DOCK3: variants seen among roughly 807,000 people sequenced by gnomAD.
DOCK3 encodes the protein dedicator of cytokinesis protein 3.
Under a neutral mutation model 265.6 loss-of-function variants are expected in DOCK3, and 60 were observed. That is an observed-to-expected ratio of 0.23 (90% confidence interval 0.18 to 0.28). The LOEUF (loss-of-function observed/expected upper bound fraction) is 0.28. DOCK3 is among the 10% of genes least tolerant of loss of function. DOCK3 has a pLI of 1.00. For missense variants in DOCK3, 1,981 were observed against 2,594.3 expected (o/e 0.76, Z 5.14); for synonymous variants, 881 against 938.0 (o/e 0.94, Z 1.11).
intron 5 of DOCK3, among the ~76,000 whole-genome samples, chr3:51,043,971 G>A (rs755716974): frequency 1.3e-5 from 2 of 152,148 alleles, no homozygotes; most frequent in Non-Finnish European, 2.9e-5. Flanking sequence ...TTTATACACT[G>A]TTGTTGGGAG....
At chr3:50,734,129 T>A (rs1320957500) in intron 1 of DOCK3, among the ~76,000 whole-genome samples, 1 of 152,216 alleles carries the variant, frequency 6.6e-6, no homozygotes, top group East Asian at 1.9e-4. Context: ...CATTCCACTG[T>A]CTCTCTGTCT....
chr3:50,783,944 C>T (rs980529753), intron 2 of DOCK3, among the ~76,000 whole-genome samples: 2 of 151,346 alleles, frequency 1.3e-5, no homozygotes, highest in Admixed American at 6.6e-5. Flanking sequence ...CTGGGCTCAC[C>T]GCAACCTCCG....
intron 32 of DOCK3, among the ~76,000 whole-genome samples, chr3:51,316,035 C>A (rs1028188204): frequency 1.3e-5 from 2 of 152,126 alleles, no homozygotes; most frequent in Admixed American, 6.5e-5. Context: ...AAAATGTATT[C>A]TTCTTGATTT....
intron 23 of DOCK3, among the ~76,000 whole-genome samples, chr3:51,267,915 C>G (rs1172187822): frequency 6.6e-6 from 1 of 152,132 alleles, no homozygotes; most frequent in Non-Finnish European, 1.5e-5. Context: ...ACCACATGTT[C>G]TCATTCATAA....
chr3:51,339,136 A>C, intron 37 of DOCK3, 108 bp downstream of exon 37: 1 of 931,510 alleles, frequency 1.1e-6, no homozygotes, highest in Non-Finnish European at 1.6e-6. Context: ...ATCTCAGCAG[A>C]ATGTTGGGGC....
At chr3:51,360,298 A>C (rs1249633383) in intron 46 of DOCK3, among the ~76,000 whole-genome samples, 1 of 152,242 alleles carries the variant, frequency 6.6e-6, no homozygotes, top group Non-Finnish European at 1.5e-5. Flanking sequence ...GGCCTCGCAC[A>C]CGGCCTTTGG....
At chr3:50,904,350 A>G (rs900001824) in intron 4 of DOCK3, among the ~76,000 whole-genome samples, 1 of 152,204 alleles carries the variant, frequency 6.6e-6, no homozygotes, top group Non-Finnish European at 1.5e-5. Flanking sequence ...TGTCTTCCAT[A>G]ATGGTTGAAC....
At chr3:51,162,878 T>A (rs1350259439) in intron 12 of DOCK3, among the ~76,000 whole-genome samples, 1 of 152,030 alleles carries the variant, frequency 6.6e-6, no homozygotes. Flanking sequence ...ATAGAGAAGA[T>A]TTTTTTTCAA....
At chr3:51,352,913 G>C (rs1018648311) in intron 40 of DOCK3, among the ~76,000 whole-genome samples, 7 of 152,190 alleles carry the variant, frequency 4.6e-5, no homozygotes, top group Admixed American at 1.3e-4. Context: ...CAGAAGGCTA[G>C]GCTACTCTCC....
At chr3:50,885,565 T>G (rs957817805) in intron 3 of DOCK3, among the ~76,000 whole-genome samples, 1 of 152,128 alleles carries the variant, frequency 6.6e-6, no homozygotes, top group African/African-American at 2.4e-5. Flanking sequence ...ATGCCATTAT[T>G]TCTTCATGTA....
At chr3:50,766,168 A>T (rs1212650528) in intron 1 of DOCK3, among the ~76,000 whole-genome samples, 1 of 151,998 alleles carries the variant, frequency 6.6e-6, no homozygotes, top group Admixed American at 6.6e-5. Flanking sequence ...ACATGTGCAC[A>T]ACGTGTAGGT....
chr3:51,351,131 C>T (rs929471516), intron 40 of DOCK3, among the ~76,000 whole-genome samples: 1 of 152,206 alleles, frequency 6.6e-6, no homozygotes, highest in Non-Finnish European at 1.5e-5. Context: ...AGTCAACATA[C>T]ACTATAGGCT....
chr3:51,101,452 GGTAGA>G (rs2083088990), intron 9 of DOCK3, among the ~76,000 whole-genome samples: 6 of 152,138 alleles, frequency 3.9e-5, no homozygotes, highest in African/African-American at 1.4e-4. Context: ...ATTGCAAGGC[GGTAGA>G]GATCATCAGG....
intron 5 of DOCK3, among the ~76,000 whole-genome samples, chr3:50,986,327 C>A (rs1243687207): frequency 6.6e-6 from 1 of 152,066 alleles, no homozygotes; most frequent in Non-Finnish European, 1.5e-5. Context: ...TATCATAAAC[C>A]CCTTTAATGC....
intron 9 of DOCK3, among the ~76,000 whole-genome samples, chr3:51,139,710 G>A (rs899432160): frequency 3.3e-5 from 5 of 152,204 alleles, no homozygotes; most frequent in Non-Finnish European, 7.4e-5. Context: ...AAAAAAGTGA[G>A]TAAGTAAAGG....
At position 50,805,525 on chromosome 3, in the gene DOCK3, G is replaced by C. The variant is rs528182473; in HGVS notation, c.121+26767G>C. 5.9e-5 allele frequency among the ~76,000 whole-genome samples: 9 copies of C among 152,326 alleles called. 1 individual carries two copies. The South Asian group carries it at 1.9e-3, about 32-fold the overall frequency. On this transcript the variant is annotated intron_variant, in intron 2 of 52. Transcript: ENST00000266037. ...CTTGTGGGGCTGTTTCTTAGGCCCA[G>C]GATGCAGGCACACCGCTGCTTAGCT...
At chr3:51,369,382 A>G (rs1438288435) in intron 49 of DOCK3, among the ~76,000 whole-genome samples, 1 of 152,252 alleles carries the variant, frequency 6.6e-6, no homozygotes, top group East Asian at 1.9e-4. Flanking sequence ...ATGGCATGAG[A>G]GTGACGTGAT....
chr3:51,096,187 C>A (rs1378097955), intron 9 of DOCK3, among the ~76,000 whole-genome samples: 1 of 152,142 alleles, frequency 6.6e-6, no homozygotes, highest in Non-Finnish European at 1.5e-5. Context: ...GCCTTTCTTA[C>A]TAGGTTGGGG....
chr3:50,926,146 G>C (rs2050745409), intron 4 of DOCK3, among the ~76,000 whole-genome samples: 1 of 152,120 alleles, frequency 6.6e-6, no homozygotes, highest in Non-Finnish European at 1.5e-5. Flanking sequence ...CCTTGGACAG[G>C]TGCTTTGTGC....
Sources: allele counts gnomAD v4.1 joint callset (sites outside exome capture counted in the v4.1 genomes callset), GRCh38; gene constraint gnomAD v4.1.1; transcripts MANE v1.5; gene names NCBI Gene and HGNC (gene_info 2026-07-23, HGNC 2026-07-21).